The following ADGRG6 variants were observed in gnomAD, a reference collection of about 807,000 sequenced individuals.
ADGRG6 encodes the protein adhesion G protein-coupled receptor G6, also known as G-protein coupled receptor 126.
Under a neutral mutation model 142.4 loss-of-function variants are expected in ADGRG6, and 84 were observed. The observed-to-expected ratio is 0.59, with a 90% CI of 0.49 to 0.71. The LOEUF (loss-of-function observed/expected upper bound fraction) is 0.71, where lower values mean the gene tolerates loss of function less well. Ranked by LOEUF, ADGRG6 falls within the 30% of genes least tolerant of loss-of-function variation. The pLI is 0.00. For synonymous variants in ADGRG6, 521 were observed against 520.5 expected, an observed-to-expected ratio of 1.00 and a Z score of -0.01; for missense variants, 1,367 against 1,466.6, an observed-to-expected ratio of 0.93 and a Z score of 1.11.
At chr6:142,371,850 A>G (rs1437296547) in intron 4 of ADGRG6, among the ~76,000 whole-genome samples, 1 of 152,224 alleles carries the variant, frequency 6.6e-6, no homozygotes, top group Non-Finnish European at 1.5e-5. Flanking sequence ...CTGGAATTAA[A>G]TTTCAATTGG....
chr6:142,303,243 A>C (rs1260940907), intron 1 of ADGRG6, among the ~76,000 whole-genome samples: 3 of 152,152 alleles, frequency 2.0e-5, no homozygotes, highest in Admixed American at 2.0e-4. Flanking sequence ...AATTTCTAGA[A>C]CTTGGTACTT....
intron 8 of ADGRG6, among the ~76,000 whole-genome samples, chr6:142,393,303 C>T (rs929581086): frequency 6.6e-6 from 1 of 152,110 alleles, no homozygotes; most frequent in Non-Finnish European, 1.5e-5. Context: ...TTTCTTCTCA[C>T]ACCCTGGTGG....
intron 2 of ADGRG6, among the ~76,000 whole-genome samples, chr6:142,359,203 TA>T (rs397885145): frequency 0.089 from 5,128 of 57,322 alleles, 235 homozygotes; most frequent in African/African-American, 0.2. Context: ...CAAGACCCTA[TA>T]AAAAAAAAAA....
At chr6:142,394,454 G>T (rs888243034) in intron 9 of ADGRG6, among the ~76,000 whole-genome samples, 3 of 152,000 alleles carry the variant, frequency 2.0e-5, no homozygotes, top group Non-Finnish European at 2.9e-5. Context: ...CAGCATATAT[G>T]ACCAGTTGGC....
intron 21 of ADGRG6, among the ~76,000 whole-genome samples, chr6:142,419,342 C>T (rs1776539411): frequency 6.6e-6 from 1 of 152,156 alleles, no homozygotes; most frequent in South Asian, 2.1e-4. Context: ...GGAATAAGGA[C>T]CTTGCCAGTT....
Position 142,367,718 on chromosome 6 carries a change from G to A in ADGRG6, c.253G>A (p.Asp85Asn), listed in dbSNP as rs375452464. Residue 85 changes from aspartate (D) to asparagine (N), a missense_variant, in exon 3 of 25, where the codon GAC (aspartate) becomes AAC (asparagine). Transcript: ENST00000367609. Reference protein sequence around the residue: ...TGYIIQITFNDFDIEEAPNCI... With the variant: ...TGYIIQITFNNFDIEEAPNCI... ...TTATATCATTCAGATAACATTTAAC[G>A]ACTTTGACATTGAAGAAGCTCCCAA... 9.9e-6 allele frequency: 16 copies of A among 1,613,704 alleles called. No individual in the cohort carries two copies. Among genetic ancestry groups the A allele is most frequent in the South Asian group, 2.2e-5 (2 of 91,068 alleles).
At chr6:142,310,395 T>G (rs1455193041) in intron 2 of ADGRG6, among the ~76,000 whole-genome samples, 1 of 151,788 alleles carries the variant, frequency 6.6e-6, no homozygotes, top group African/African-American at 2.4e-5. Flanking sequence ...TGTTTTCTCC[T>G]GGTGTATGTA....
intron 21 of ADGRG6, 128 bp downstream of exon 21, chr6:142,417,497 C>T (rs560510770): frequency 2.3e-5 from 14 of 609,234 alleles, no homozygotes; most frequent in Non-Finnish European, 3.8e-5. Context: ...CTGCCAAAAT[C>T]TCTGCTACAC....
intron 24 of ADGRG6, among the ~76,000 whole-genome samples, chr6:142,440,648 A>C (rs966899179): frequency 6.6e-5 from 10 of 152,154 alleles, no homozygotes; most frequent in African/African-American, 2.2e-4. Flanking sequence ...CCTTAACAAA[A>C]AACCCTTGGG....
intron 22 of ADGRG6, among the ~76,000 whole-genome samples, chr6:142,434,140 C>T (rs1777359791): frequency 6.6e-6 from 1 of 151,536 alleles, no homozygotes; most frequent in Non-Finnish European, 1.5e-5. Context: ...CAAATTACTT[C>T]ATTACCAATA....
intron 2 of ADGRG6, among the ~76,000 whole-genome samples, chr6:142,310,206 T>C (rs1438822395): frequency 6.6e-6 from 1 of 151,854 alleles, no homozygotes; most frequent in Non-Finnish European, 1.5e-5. Flanking sequence ...TTTTGAACTT[T>C]GAAATAAGAT....
At chr6:142,413,029 T>TTA (rs139522751) in intron 18 of ADGRG6, among the ~76,000 whole-genome samples, 43,584 of 150,068 alleles carry the variant, frequency 0.29, 7,417 homozygotes, top group African/African-American at 0.48. Flanking sequence ...GAATGGTTAA[T>TTA]TATATATATA....
chr6:142,370,647 A>G lies in ADGRG6; in HGVS notation c.923A>G (p.Tyr308Cys), dbSNP rs1781198021. Reference protein sequence around the residue: ...NEIVSLKGDIYNFRLWNFTMN... With the variant: ...NEIVSLKGDICNFRLWNFTMN... ...ATTGTCTCTCTAAAAGGGGACATTT[A>G]TAACTTTCGACTTTGGAATTTTACC... Residue 308 changes from tyrosine to cysteine, a missense_variant, in exon 4 of 25, where the codon TAT becomes TGT. Coordinates refer to ENST00000367609, the MANE Select transcript of ADGRG6 (RefSeq NM_198569.3). The G allele has an allele frequency of 6.2e-7, 1 of 1,613,714 alleles. No homozygotes were observed. The highest frequency in any genetic ancestry group is 8.5e-7 in the Non-Finnish European group (1 of 1,179,790).
At chr6:142,330,874 T>TTG (rs1488792984) in intron 2 of ADGRG6, among the ~76,000 whole-genome samples, 1 of 152,162 alleles carries the variant, frequency 6.6e-6, no homozygotes, top group African/African-American at 2.4e-5. Flanking sequence ...AGAGGAACTA[T>TTG]AGCCAATATT....
chr6:142,360,620 A>G (rs1377039643), intron 2 of ADGRG6, among the ~76,000 whole-genome samples: 1 of 152,058 alleles, frequency 6.6e-6, no homozygotes, highest in East Asian at 1.9e-4. Context: ...GTTTTCTCTC[A>G]TCTTTGTGCT....
intron 4 of ADGRG6, among the ~76,000 whole-genome samples, chr6:142,375,955 T>C (rs1463021474): frequency 6.6e-6 from 1 of 152,140 alleles, no homozygotes; most frequent in African/African-American, 2.4e-5. Context: ...TTCCTATACT[T>C]TTCTAAAAAA....
chr6:142,371,646 C>T (rs186347368), intron 4 of ADGRG6, among the ~76,000 whole-genome samples: 61 of 151,978 alleles, frequency 4.0e-4, no homozygotes, highest in African/African-American at 1.3e-3. Flanking sequence ...CCACCATGCC[C>T]GGCTAATTTT....
At chr6:142,408,553 T>A (rs1775930629) in intron 16 of ADGRG6, among the ~76,000 whole-genome samples, 1 of 152,156 alleles carries the variant, frequency 6.6e-6, no homozygotes, top group Non-Finnish European at 1.5e-5. Flanking sequence ...TCAGATAAAT[T>A]AGATGCAGAT....
Position 142,438,248 on chromosome 6 carries a change from G to T in ADGRG6, c.3458G>T (p.Ser1153Ile). ...ACAGCTACCAATATCATCAAGAAAAGTTCTGATAATCTAGGAAAATCTTTG... is the reference window on the plus strand; with the variant it reads ...ACAGCTACCAATATCATCAAGAAAATTTCTGATAATCTAGGAAAATCTTTG... ...SKTATNIIKK[S>I]SDNLGKSLSS... The change falls in exon 24 of 25, where the codon AGT (serine) becomes ATT (isoleucine). Residue 1153 changes from serine to isoleucine, a missense_variant. Coordinates refer to ENST00000367609, the MANE Select transcript of ADGRG6 (RefSeq NM_198569.3). The T allele has an allele frequency of 6.2e-7, 1 of 1,603,318 alleles. No individual in the cohort carries two copies. Among genetic ancestry groups the T allele is most frequent in the Non-Finnish European group, 8.5e-7 (1 of 1,173,606 alleles).
Sources: allele counts gnomAD v4.1 joint callset (sites outside exome capture counted in the v4.1 genomes callset), GRCh38; gene constraint gnomAD v4.1.1; transcripts MANE v1.5; gene names NCBI Gene and HGNC (gene_info 2026-07-23, HGNC 2026-07-21).